UGDH: variants seen among roughly 807,000 people sequenced by gnomAD.
UGDH encodes UDP-glucose 6-dehydrogenase, also known as UDP-Glc dehydrogenase.
In UGDH, 38 loss-of-function variants were observed where a neutral mutation model predicts 50.6. That is an observed-to-expected ratio of 0.75 (90% confidence interval 0.58 to 0.98). UGDH has a LOEUF of 0.98. Ranked by LOEUF, UGDH falls within the 50% of genes least tolerant of loss-of-function variation. The pLI is 0.00. For synonymous variants in UGDH, 168 were observed against 199.9 expected (o/e 0.84, Z 1.35); for missense variants, 465 against 606.2 (o/e 0.77, Z 2.45).
At chr4:39,526,838 G>C (rs371709778) in intron 1 of UGDH, among the ~76,000 whole-genome samples, 45 of 152,246 alleles carry the variant, frequency 3.0e-4, no homozygotes, top group African/African-American at 1.1e-3. Flanking sequence ...TTTCTCTTTG[G>C]TTTCTTAAGA....
chr4:39,521,357 A>T lies in UGDH; in HGVS notation c.156T>A (p.Ile52=), dbSNP rs1197138167. The T allele has an allele frequency of 6.2e-7, 1 of 1,605,044 alleles. No homozygotes were observed. Among genetic ancestry groups the T allele is most frequent in the East Asian group, 2.2e-5 (1 of 44,544 alleles). ...AGATGTTTAATATGTTTACCTCATA[A>T]ATAGGAAGTGTAGGAGAATTCCACG... ...INAWNSPTLP[I]YEPGLKEVVE... The change falls in exon 2 of 12, where the codon ATT becomes ATA. Residue 52 remains isoleucine, a synonymous_variant. Coordinates refer to ENST00000316423, the MANE Select transcript of UGDH (RefSeq NM_003359.4).
chr4:39,509,645 C>G (rs1746156064), intron 6 of UGDH, 115 bp downstream of exon 6: 8 of 1,195,042 alleles, frequency 6.7e-6, no homozygotes, highest in South Asian at 3.7e-5. Flanking sequence ...ATAACAGCAT[C>G]TACCTAACAG....
At chr4:39,503,527 T>C (rs1427100337) in intron 11 of UGDH, among the ~76,000 whole-genome samples, 1 of 152,094 alleles carries the variant, frequency 6.6e-6, no homozygotes, top group African/African-American at 2.4e-5. Context: ...AGGGAGGAAG[T>C]AGAGAAGTAG....
intron 1 of UGDH, among the ~76,000 whole-genome samples, chr4:39,522,547 G>C (rs1266009363): frequency 6.6e-6 from 1 of 152,084 alleles, no homozygotes; most frequent in African/African-American, 2.4e-5. Context: ...ATATAATTAA[G>C]ATTATCCAAT....
chr4:39,511,305 G>A (rs1437226294), intron 3 of UGDH, among the ~76,000 whole-genome samples: 1 of 147,978 alleles, frequency 6.8e-6, no homozygotes, highest in Non-Finnish European at 1.5e-5. Context: ...TCTTTGCCCA[G>A]GCTAGAGTGC....
chr4:39,508,749 C>T, intron 6 of UGDH, 89 bp from the exon 7 acceptor site: 1 of 1,086,744 alleles, frequency 9.2e-7, no homozygotes, highest in Non-Finnish European at 1.3e-6. Flanking sequence ...AATCAGAAAG[C>T]TTATACTAAG....
chr4:39,509,765 C>T lies in UGDH; in HGVS notation c.806G>A (p.Ser269Asn), dbSNP rs760508476. 4 of 1,599,890 alleles carry T rather than the reference C, an allele frequency of 2.5e-6. No individual in the cohort carries two copies. The South Asian group carries it at 3.4e-5, about 14-fold the overall frequency. The change falls in exon 6 of 12, where the codon AGT becomes AAT. Residue 269 changes from serine (S) to asparagine (N), a missense_variant. Coordinates refer to ENST00000316423, the MANE Select transcript of UGDH (RefSeq NM_003359.4). Reference protein sequence around the residue: ...QRIGNKFLKASVGFGGSCFQK... With the variant: ...QRIGNKFLKANVGFGGSCFQK... The stretch of plus-strand genomic sequence containing the variant: ...AGAGAAAAATTTGAATTTACCAACA[C>T]TGGCTTTTAGAAACTTGTTTCCAAT...
chr4:39,520,403 T>G (rs953272984), intron 2 of UGDH, among the ~76,000 whole-genome samples: 3 of 152,186 alleles, frequency 2.0e-5, no homozygotes, highest in African/African-American at 7.2e-5. Context: ...TAATGTTAGC[T>G]AGAAAATGCT....
intron 11 of UGDH, among the ~76,000 whole-genome samples, chr4:39,501,900 A>T (rs1745832795): frequency 6.6e-6 from 1 of 152,240 alleles, no homozygotes; most frequent in Non-Finnish European, 1.5e-5. Flanking sequence ...CAGCAGAGAT[A>T]AACATACTAC....
In UGDH at chr4:39,510,457, C is replaced by T. The variant is rs1238738890; in HGVS notation, c.559G>A (p.Glu187Lys). 1.2e-6 allele frequency: 2 copies of T among 1,614,196 alleles called. No individual in the cohort carries two copies. Among genetic ancestry groups the T allele is most frequent in the East Asian group, 4.5e-5 (2 of 44,888 alleles). Residue 187 changes from glutamate to lysine, a missense_variant, in exon 5 of 12, where the codon GAG becomes AAG. Glu to Lys is a moderately conservative substitution (Grantham distance 56). Transcript: ENST00000316423. ...AGGGCCTGCACAGCTCTCTGGCCCT[C>T]TGGAGTTTCATCCCCTCCAATCAGT... is the stretch of plus-strand genomic sequence containing the variant. The part of the protein sequence containing the change: ...RVLIGGDETP[E>K]GQRAVQALCA...
intron 7 of UGDH, among the ~76,000 whole-genome samples, chr4:39,506,619 TAA>T (rs1443508354): frequency 2.0e-5 from 3 of 152,210 alleles, no homozygotes; most frequent in African/African-American, 7.2e-5. Flanking sequence ...CTAAATGTTA[TAA>T]GAGTCTCTGA....
At chr4:39,506,149 G>C (rs1746015719) in intron 7 of UGDH, among the ~76,000 whole-genome samples, 1 of 149,640 alleles carries the variant, frequency 6.7e-6, no homozygotes, top group African/African-American at 2.5e-5. Context: ...GATGGCTTGA[G>C]CACAGGAGGC....
At chr4:39,503,830 A>G (rs933031311) in intron 11 of UGDH, 45 bp downstream of exon 11, 7 of 1,564,864 alleles carry the variant, frequency 4.5e-6, no homozygotes, top group African/African-American at 2.7e-5. Context: ...ATCAAACACT[A>G]AAGACCAAAC....
intron 1 of UGDH, among the ~76,000 whole-genome samples, chr4:39,524,371 G>T (rs1237522380): frequency 6.6e-6 from 1 of 152,090 alleles, no homozygotes; most frequent in African/African-American, 2.4e-5. Flanking sequence ...GCCTCTCAAT[G>T]ATTATTAATT....
intron 10 of UGDH, 32 bp from the exon 11 acceptor site, chr4:39,504,017 C>T (rs1359766636): frequency 6.3e-7 from 1 of 1,592,252 alleles, no homozygotes; most frequent in Admixed American, 1.7e-5. Flanking sequence ...ACAATTAAAA[C>T]ACATACGTGG....
chr4:39,504,363 G>A, intron 10 of UGDH, 54 bp downstream of exon 10: 1 of 1,518,966 alleles, frequency 6.6e-7, no homozygotes, highest in Non-Finnish European at 9.1e-7. Context: ...CTCAACCCCA[G>A]CTGATAGTGG....
rs10025178 is a variant in UGDH at position 39,521,375 on chromosome 4, A to G, written c.138T>C (p.Asn46=). ...CCTCATAAATAGGAAGTGTAGGAGA[A>G]TTCCACGCATTGATTCTTGATTCAT... ...DVNESRINAW[N]SPTLPIYEPG... is the part of the protein sequence containing the mutation. Residue 46 remains asparagine (N), a synonymous_variant, in exon 2 of 12, where the codon AAT becomes AAC. Transcript: ENST00000316423. 1.7e-3 allele frequency: 2,665 copies of G among 1,610,568 alleles called. 34 individuals carry two copies. The African/African-American group carries it at 0.031, about 19-fold the overall frequency.
chr4:39,514,769 G>A (rs1186092591), intron 2 of UGDH, among the ~76,000 whole-genome samples: 2 of 148,320 alleles, frequency 1.3e-5, no homozygotes, highest in Admixed American at 6.8e-5. Context: ...TGCGACTTCC[G>A]TCTCCTGGGT....
intron 7 of UGDH, 24 bp from the exon 8 acceptor site, chr4:39,505,772 C>A: frequency 6.3e-7 from 1 of 1,582,968 alleles, no homozygotes. Context: ...TACAATTGTG[C>A]AATGATTAGT....
Sources: allele counts gnomAD v4.1 joint callset (sites outside exome capture counted in the v4.1 genomes callset), GRCh38; gene constraint gnomAD v4.1.1; transcripts MANE v1.5; gene names NCBI Gene and HGNC (gene_info 2026-07-23, HGNC 2026-07-21).